The following CBL variants were observed in gnomAD, a reference collection of about 807,000 sequenced individuals.
The protein encoded by CBL is E3 ubiquitin-protein ligase CBL.
Under a neutral mutation model 96.9 loss-of-function variants are expected in CBL, and 45 were observed. The observed-to-expected ratio is 0.46, with a 90% CI of 0.37 to 0.60. The LOEUF (loss-of-function observed/expected upper bound fraction) is 0.60. Among genes scored for constraint, CBL ranks in the 20% least tolerant of loss-of-function variants. The probability of loss-of-function intolerance (pLI) is 0.00; values close to 1 mark genes in which losing one functional copy is unlikely to be tolerated. For missense variants in CBL, 1,024 were observed against 1,143.5 expected, an observed-to-expected ratio of 0.90 and a Z score of 1.51; for synonymous variants, 420 against 426.8, an observed-to-expected ratio of 0.98 and a Z score of 0.20.
chr11:119,293,585 C>T (rs997524700), intron 12 of CBL, among the ~76,000 whole-genome samples: 1 of 152,102 alleles, frequency 6.6e-6, no homozygotes, highest in African/African-American at 2.4e-5. Context: ...TGTAATAGCT[C>T]TAGGGAAAAT....
chr11:119,213,427 GAGGATCTCTTAAGTTT>G (rs1161573394), intron 1 of CBL, among the ~76,000 whole-genome samples: 1 of 152,138 alleles, frequency 6.6e-6, no homozygotes, highest in Admixed American at 6.6e-5. Context: ...CTGAAGTGAT[GAGGATCTCTTAAGTTT>G]AAACATCTTT....
intron 5 of CBL, among the ~76,000 whole-genome samples, chr11:119,275,678 C>G (rs1949884475): frequency 6.6e-6 from 1 of 151,484 alleles, no homozygotes; most frequent in Non-Finnish European, 1.5e-5. Context: ...GCCTGGCCAA[C>G]ATGGCGAAAC....
chr11:119,289,040 C>T, intron 12 of CBL, among the ~76,000 whole-genome samples: 1 of 152,134 alleles, frequency 6.6e-6, no homozygotes, highest in African/African-American at 2.4e-5. Context: ...TTCTAGTTAT[C>T]CTTCTGTTAC....
At chr11:119,292,508 C>A (rs1419361669) in intron 12 of CBL, among the ~76,000 whole-genome samples, 1 of 151,904 alleles carries the variant, frequency 6.6e-6, no homozygotes, top group African/African-American at 2.4e-5. Flanking sequence ...GCAAGCTCCG[C>A]CTCCCGGGTT....
intron 2 of CBL, among the ~76,000 whole-genome samples, chr11:119,233,867 C>T (rs1168586618): frequency 2.6e-5 from 4 of 152,096 alleles, no homozygotes; most frequent in African/African-American, 9.7e-5. Flanking sequence ...GCCTGTTGGC[C>T]TAGATTCTGG....
chr11:119,279,877 A>G (rs1306278928), intron 9 of CBL, among the ~76,000 whole-genome samples: 1 of 152,220 alleles, frequency 6.6e-6, no homozygotes, highest in Non-Finnish European at 1.5e-5. Flanking sequence ...GTTGAGTGCT[A>G]TATGGGATAA....
intron 1 of CBL, among the ~76,000 whole-genome samples, chr11:119,214,129 G>C (rs1949339358): frequency 6.6e-6 from 1 of 151,956 alleles, no homozygotes; most frequent in Admixed American, 6.6e-5. Context: ...ATTTTTAGTA[G>C]AGACAGGGTT....
At chr11:119,225,219 C>T (rs1447078682) in intron 1 of CBL, among the ~76,000 whole-genome samples, 1 of 152,048 alleles carries the variant, frequency 6.6e-6, no homozygotes, top group Non-Finnish European at 1.5e-5. Flanking sequence ...GTCTCAGCCT[C>T]CCCAGTAGCT....
At chr11:119,275,040 T>TA (rs1949877950) in intron 5 of CBL, 87 bp downstream of exon 5, 4 of 1,434,612 alleles carry the variant, frequency 2.8e-6, no homozygotes, top group Admixed American at 3.4e-5. Flanking sequence ...TGACCTTAAT[T>TA]AGTTTCGCAA....
At chr11:119,256,851 G>A (rs1949715854) in intron 2 of CBL, among the ~76,000 whole-genome samples, 1 of 152,004 alleles carries the variant, frequency 6.6e-6, no homozygotes, top group Admixed American at 6.6e-5. Context: ...ACTTCACTTA[G>A]AATAATGGCC....
At chr11:119,223,596 A>C (rs1329003472) in intron 1 of CBL, among the ~76,000 whole-genome samples, 1 of 149,776 alleles carries the variant, frequency 6.7e-6, no homozygotes, top group Admixed American at 6.7e-5. Flanking sequence ...CGCCCGGCTA[A>C]ATTTTTTTTT....
chr11:119,234,517 A>G (rs933365952), intron 2 of CBL, among the ~76,000 whole-genome samples: 7 of 152,256 alleles, frequency 4.6e-5, no homozygotes, highest in Non-Finnish European at 1.0e-4. Flanking sequence ...ATGAGGTACC[A>G]AAACTTAAAA....
chr11:119,226,646 C>T (rs1009111758), intron 1 of CBL, among the ~76,000 whole-genome samples: 3 of 151,984 alleles, frequency 2.0e-5, no homozygotes, highest in African/African-American at 4.8e-5. Flanking sequence ...TTCATAGAGA[C>T]GGAATTTCAC....
intron 1 of CBL, among the ~76,000 whole-genome samples, chr11:119,224,002 A>G (rs527638037): frequency 6.6e-6 from 1 of 152,124 alleles, no homozygotes; most frequent in Non-Finnish European, 1.5e-5. Context: ...GGTCTGTGTT[A>G]GTGTTCCATA....
intron 1 of CBL, among the ~76,000 whole-genome samples, chr11:119,223,436 T>G (rs1949427498): frequency 6.6e-6 from 1 of 151,022 alleles, no homozygotes; most frequent in Non-Finnish European, 1.5e-5. Flanking sequence ...TTATGTTATG[T>G]TATTTTATTT....
intron 3 of CBL, 100 bp from the exon 4 acceptor site, chr11:119,273,768 T>C (rs535576040): frequency 8.0e-6 from 8 of 1,001,130 alleles, no homozygotes; most frequent in East Asian, 2.5e-5. Flanking sequence ...AAATTGGTAT[T>C]GAGAGCTTAA....
At chr11:119,265,946 C>A (rs868855281) in intron 2 of CBL, among the ~76,000 whole-genome samples, 5 of 141,376 alleles carry the variant, frequency 3.5e-5, no homozygotes, top group Non-Finnish European at 7.5e-5. Flanking sequence ...TGCTTGAACC[C>A]GGGAGAGAGG....
intron 1 of CBL, among the ~76,000 whole-genome samples, chr11:119,222,329 A>G (rs566303541): frequency 6.6e-6 from 1 of 152,322 alleles, no homozygotes; most frequent in East Asian, 1.9e-4. Flanking sequence ...GCAATTTTCA[A>G]GCATAGTTTT....
chr11:119,207,138 T>C (rs138084327), intron 1 of CBL, among the ~76,000 whole-genome samples: 1 of 152,036 alleles, frequency 6.6e-6, no homozygotes, highest in East Asian at 1.9e-4. Context: ...TGGGTGAGAG[T>C]ATAGTCCTTT....
Sources: gnomAD v4.1 joint callset for allele counts (sites outside exome capture counted in the v4.1 genomes callset) on GRCh38, gnomAD v4.1.1 for gene constraint, MANE v1.5 for transcripts, NCBI Gene and HGNC (gene_info 2026-07-23, HGNC 2026-07-21) for gene names.